Variants in NXN observed in about 807,000 individuals in gnomAD.
NXN encodes the protein nucleoredoxin 1.
NXN carries 16 observed loss-of-function variants against 48.6 expected under a neutral mutation model. The ratio of observed to expected loss-of-function variants is 0.33; its 90% CI spans 0.22 to 0.50. The LOEUF is 0.50. NXN is among the 20% of genes least tolerant of loss of function. The pLI is 0.98. For missense variants in NXN, 492 were observed against 605.5 expected (o/e 0.81, Z 1.97); for synonymous variants, 281 against 269.6 (o/e 1.04, Z -0.41).
At chr17:832,810 T>C (rs16956027) in intron 1 of NXN, among the ~76,000 whole-genome samples, 56,487 of 151,666 alleles carry the variant, frequency 0.37, 11,325 homozygotes, top group African/African-American at 0.53. Context: ...GTTTTATCCA[T>C]TTACTGTTGG....
chr17:946,234 TCCCTGCTCACTGCAAGCTCCGCCTCC>T (rs1567513817), intron 1 of NXN, among the ~76,000 whole-genome samples: 153 of 62,974 alleles, frequency 2.4e-3, no homozygotes, highest in Middle Eastern at 0.011. Flanking sequence ...CTCCCGGGGA[TCCCTGCTCACTGCAAGCTCCGCCTCC>T]CGGGTTCAAG....
At chr17:950,351 A>G (rs1027265972) in intron 1 of NXN, among the ~76,000 whole-genome samples, 5 of 152,266 alleles carry the variant, frequency 3.3e-5, no homozygotes, top group African/African-American at 1.2e-4. Context: ...AGGGTTTGCT[A>G]TTTCAAGCTT....
At position 822,382 on chromosome 17, in the gene NXN, C is replaced by T. The variant is rs1442416840; in HGVS notation, c.688G>A (p.Glu230Lys). 4 of 1,614,044 alleles carry T rather than the reference C, an allele frequency of 2.5e-6. No homozygotes were observed. Among genetic ancestry groups the T allele is most frequent in the Admixed American group, 1.7e-5 (1 of 60,012 alleles). Residue 230 changes from glutamate (E) to lysine (K), a missense_variant, in exon 4 of 8, where the codon GAG becomes AAG. By Grantham distance (56) the Glu-to-Lys change is moderately conservative. This residue lies in a region of NXN where 303 missense variants were observed against 388.3 expected (regional missense o/e 0.78). Transcript: ENST00000336868. ...RKIKEAGQNF[E>K]IIFVSADRSE... is the part of the protein sequence containing the mutation. ...CTGTCTGCACTAACGAAGATGATCT[C>T]GAAGTTCTGGCCTGCCTCCTTGATC...
At chr17:937,816 G>T (rs1274679311) in intron 1 of NXN, among the ~76,000 whole-genome samples, 1 of 152,252 alleles carries the variant, frequency 6.6e-6, no homozygotes, top group African/African-American at 2.4e-5. Context: ...TTTTTAAGGA[G>T]CTCAGAAATG....
chr17:806,433 G>A (rs1207700644), intron 5 of NXN, among the ~76,000 whole-genome samples: 1 of 152,060 alleles, frequency 6.6e-6, no homozygotes, highest in African/African-American at 2.4e-5. Flanking sequence ...GCCCCACTCT[G>A]GTCAAGGTGC....
At position 956,103 on chromosome 17, in the gene NXN, G is replaced by A. The variant is rs1261647791; in HGVS notation, c.360+23216C>T. Among the ~76,000 whole-genome samples the A allele has an allele frequency of 6.6e-6, 1 of 152,116 alleles. No homozygotes were observed. Among genetic ancestry groups the A allele is most frequent in the East Asian group, 1.9e-4 (1 of 5,188 alleles). ...TGCATTGTTCAATATTTTGAAATAA[G>A]GGCATTTAATTATGATGACAGCACC... On this transcript the variant is annotated intron_variant, in intron 1 of 7. Transcript: ENST00000336868. The surrounding 1 kb of genome is among the most constrained non-coding windows in gnomAD (Gnocchi z 4.1).
chr17:850,650 C>T (rs1007091587), intron 1 of NXN, among the ~76,000 whole-genome samples: 5 of 152,138 alleles, frequency 3.3e-5, no homozygotes, highest in African/African-American at 9.7e-5. Context: ...GTGGGGGCCC[C>T]GGGAGCTGAG....
At chr17:833,568 G>C (rs1316488692) in intron 1 of NXN, among the ~76,000 whole-genome samples, 1 of 152,104 alleles carries the variant, frequency 6.6e-6, no homozygotes, top group Non-Finnish European at 1.5e-5. Context: ...AGTCATTTTT[G>C]GGTCACAGAC....
At chr17:841,258 G>T (rs373577238) in intron 1 of NXN, among the ~76,000 whole-genome samples, 2 of 152,200 alleles carry the variant, frequency 1.3e-5, no homozygotes, top group East Asian at 1.9e-4. Context: ...AGGGCAACAG[G>T]CCCCGCATGC....
intron 1 of NXN, among the ~76,000 whole-genome samples, chr17:950,131 A>T (rs1373971142): frequency 3.3e-5 from 5 of 152,204 alleles, no homozygotes; most frequent in Admixed American, 3.3e-4. Context: ...GTGAATACAC[A>T]TCCATGGGTC....
At chr17:843,006 G>GAAAGAAAGAA (rs1302027670) in intron 1 of NXN, among the ~76,000 whole-genome samples, 22 of 96,090 alleles carry the variant, frequency 2.3e-4, no homozygotes, top group East Asian at 9.7e-4. Flanking sequence ...GAGAGAAAGA[G>GAAAGAAAGAA]AGAAAGAAAG....
intron 6 of NXN, 48 bp downstream of exon 6, chr17:805,020 T>TCCCCCCCCCCCCCCCCCCCACCCCCC: frequency 1.3e-6 from 2 of 1,512,882 alleles, no homozygotes; most frequent in Non-Finnish European, 1.8e-6. Context: ...GCCCCTCCTG[T>TCCCCCCCCCCCCCCCCCCCACCCCCC]CCCGCCCCCC....
chr17:804,035 G>A, intron 6 of NXN: 1 of 554,166 alleles, frequency 1.8e-6, no homozygotes, highest in Non-Finnish European at 3.2e-6. Flanking sequence ...GGGCTCCCCA[G>A]GAGGAACCTG....
rs146036949 is a variant in NXN at position 944,112 on chromosome 17, G to A, written c.360+35207C>T. Among the ~76,000 whole-genome samples the A allele has an allele frequency of 3.2e-3, 490 of 151,318 alleles. 1 individual carries two copies. The highest frequency in any genetic ancestry group is 8.1e-3 in the Admixed American group (123 of 15,150). ...ATATTAGCTGGGTGTGGTGACGGGTGCCTGTAATCCCAGCTACTCGGGAGG... is the reference window on the plus strand; with the variant it reads ...ATATTAGCTGGGTGTGGTGACGGGTACCTGTAATCCCAGCTACTCGGGAGG... On this transcript the variant is annotated intron_variant, in intron 1 of 7. Coordinates refer to ENST00000336868, the MANE Select transcript of NXN (RefSeq NM_022463.5).
intron 1 of NXN, among the ~76,000 whole-genome samples, chr17:892,029 C>T (rs672909): frequency 0.083 from 9,019 of 108,856 alleles, 256 homozygotes; most frequent in South Asian, 0.13. Flanking sequence ...ACTAACCCCA[C>T]CATGCACAAC....
At position 903,528 on chromosome 17, in the gene NXN, G is replaced by A. The variant is rs186758950; in HGVS notation, c.360+75791C>T. Among the ~76,000 whole-genome samples the A allele has an allele frequency of 5.3e-5, 8 of 152,186 alleles. 1 individual carries two copies. The South Asian group carries it at 8.3e-4, about 16-fold the overall frequency. ...CTCCTGAGTAGCTGGGACTACAGGC[G>A]TGCGCTACCACACCCAGCTAACTTT... is the stretch of plus-strand genomic sequence containing the variant. On this transcript the variant is annotated intron_variant, in intron 1 of 7. Coordinates refer to ENST00000336868, the MANE Select transcript of NXN (RefSeq NM_022463.5).
chr17:892,246 C>G lies in NXN; in HGVS notation c.361-66168G>C, dbSNP rs956998072. Among the ~76,000 whole-genome samples the G allele has an allele frequency of 9.9e-5, 15 of 152,024 alleles. No homozygotes were observed. In the East Asian group the frequency reaches 2.7e-3, roughly 27 times the overall value. On this transcript the variant is annotated intron_variant, in intron 1 of 7. Coordinates refer to ENST00000336868, the MANE Select transcript of NXN (RefSeq NM_022463.5). ...GCCCAACAGGGAACCTAAGCTAACCCCACCATGCACAACCCAACAGGGAAC... is the reference window on the plus strand; with the variant it reads ...GCCCAACAGGGAACCTAAGCTAACCGCACCATGCACAACCCAACAGGGAAC...
chr17:841,118 T>A (rs527997478), intron 1 of NXN, among the ~76,000 whole-genome samples: 1 of 152,306 alleles, frequency 6.6e-6, no homozygotes, highest in African/African-American at 2.4e-5. Context: ...GGCACCTCCC[T>A]GCTAGGGTTA....
rs561187414 is a variant in NXN, at chr17:917,483, C to T, written c.360+61836G>A. Among the ~76,000 whole-genome samples, 5 of 152,366 alleles carry T rather than the reference C, an allele frequency of 3.3e-5. No individual in the cohort carries two copies. The South Asian group carries it at 8.3e-4, about 25-fold the overall frequency. On this transcript the variant is annotated intron_variant, in intron 1 of 7. Coordinates refer to ENST00000336868, the MANE Select transcript of NXN (RefSeq NM_022463.5). The surrounding 1 kb of genome is among the most constrained non-coding windows in gnomAD (Gnocchi z 4.5). ...AACCTAAACTCACAGAGCAGCCCCA[C>T]ACTGTCGTCTGTGGAAACCACACCA... is the stretch of plus-strand genomic sequence containing the variant.
Sources: gnomAD v4.1 joint callset for allele counts (sites outside exome capture counted in the v4.1 genomes callset) on GRCh38, gnomAD v4.1.1 for gene constraint, gnomAD v4.1.1 regional missense constraint, Gnocchi (gnomAD v3.1) non-coding constraint, MANE v1.5 for transcripts, NCBI Gene and HGNC (gene_info 2026-07-23, HGNC 2026-07-21) for gene names.